ACSS3: variants seen among roughly 807,000 people sequenced by gnomAD.
ACSS3 encodes acyl-CoA synthetase short-chain family member 3, mitochondrial.
In ACSS3, 64 loss-of-function variants were observed where a neutral mutation model predicts 84.2. The observed-to-expected ratio is 0.76, with a 90% CI of 0.62 to 0.94. The LOEUF is 0.94. ACSS3 is among the 40% of genes least tolerant of loss of function. The probability of loss-of-function intolerance (pLI) is 0.00; values close to 1 mark genes in which losing one functional copy is unlikely to be tolerated. For missense variants in ACSS3, 815 were observed against 867.6 expected, an observed-to-expected ratio of 0.94 and a Z score of 0.76; for synonymous variants, 317 against 310.1, an observed-to-expected ratio of 1.02 and a Z score of -0.23.
intron 12 of ACSS3, among the ~76,000 whole-genome samples, chr12:81,231,387 T>C (rs1431773202): frequency 1.3e-5 from 2 of 151,854 alleles, no homozygotes; most frequent in African/African-American, 4.8e-5. Context: ...TCCTAGAATT[T>C]AATAGTCTTC....
intron 11 of ACSS3, among the ~76,000 whole-genome samples, chr12:81,225,440 G>C (rs2033241939): frequency 1.3e-5 from 2 of 151,874 alleles, no homozygotes; most frequent in South Asian, 4.1e-4. Flanking sequence ...TTAGACTTGT[G>C]AATGATGAAG....
At chr12:81,137,838 T>A (rs1331214380) in intron 3 of ACSS3, among the ~76,000 whole-genome samples, 2 of 152,184 alleles carry the variant, frequency 1.3e-5, no homozygotes, top group African/African-American at 4.8e-5. Flanking sequence ...TTCAAATGTC[T>A]GACCTTTAAA....
At chr12:81,103,239 C>T (rs571081509) in intron 1 of ACSS3, among the ~76,000 whole-genome samples, 2 of 152,280 alleles carry the variant, frequency 1.3e-5, no homozygotes, top group South Asian at 4.1e-4. Context: ...TATGAAACTA[C>T]ATAACAAGTG....
chr12:81,204,627 A>C (rs1195010670), intron 9 of ACSS3, among the ~76,000 whole-genome samples: 1 of 152,138 alleles, frequency 6.6e-6, no homozygotes, highest in South Asian at 2.1e-4. Flanking sequence ...CAAATTCCAC[A>C]ATGGCTTTTA....
At chr12:81,252,547 ATGT>A in intron 13 of ACSS3, among the ~76,000 whole-genome samples, 1 of 151,736 alleles carries the variant, frequency 6.6e-6, no homozygotes, top group East Asian at 1.9e-4. Flanking sequence ...ACCAAAATAA[ATGT>A]TAATCTTTCA....
rs913890371 is a variant in ACSS3 at position 81,258,865 on chromosome 12, T to A, written c.*3943T>A. ...CTTAGTAAAGAAGTTTTTTTATCTT[T>A]TTTTTTTTCTTGGTCCACAGGTAAC... On this transcript the variant is annotated 3_prime_UTR_variant, in exon 16 of 16. Transcript: ENST00000548058. 1 of 151,958 alleles carries A rather than the reference T, an allele frequency of 6.6e-6. No individual in the cohort carries two copies. The highest frequency in any genetic ancestry group is 2.4e-5 in the African/African-American group (1 of 41,372). The allele number at this position is 151,958 out of a possible 1,614,324, so 9.4% of individuals were successfully genotyped here.
Position 81,233,360 on chromosome 12 carries a change from T to A in ACSS3, c.1608T>A (p.Asp536Glu). The stretch of plus-strand genomic sequence containing the variant: ...TTTCTTGTTTTCAGGGATATTATGA[T>A]ACCATGGATGCTGGTTACATGGATG... ...LYFEKFPGYY[D>E]TMDAGYMDEE... Residue 536 changes from aspartate (D) to glutamate (E), a missense_variant, in exon 13 of 16, where the codon GAT becomes GAA. Transcript: ENST00000548058. The A allele has an allele frequency of 1.2e-6, 2 of 1,610,376 alleles. No individual in the cohort carries two copies. Among genetic ancestry groups the A allele is most frequent in the Non-Finnish European group, 1.7e-6 (2 of 1,177,376 alleles).
rs142259794 is a variant in ACSS3, at chr12:81,194,180, T to C, written c.1251-5161T>C. Reference sequence around the variant, plus strand: ...ATACTAAGATTTGTTGTTTCAATTATTATCATGTTTAAAAAAGGGCAAATC... The same window carrying C: ...ATACTAAGATTTGTTGTTTCAATTACTATCATGTTTAAAAAAGGGCAAATC... On this transcript the variant is annotated intron_variant, in intron 8 of 15. Coordinates refer to ENST00000548058, the MANE Select transcript of ACSS3 (RefSeq NM_024560.4). Among the ~76,000 whole-genome samples, 553 of 151,926 alleles carry C rather than the reference T, an allele frequency of 3.6e-3. 4 individuals carry two copies. Among genetic ancestry groups the C allele is most frequent in the African/African-American group, 0.013 (530 of 41,552 alleles).
At chr12:81,213,119 AT>A (rs554374654) in intron 9 of ACSS3, among the ~76,000 whole-genome samples, 132 of 152,300 alleles carry the variant, frequency 8.7e-4, no homozygotes, top group Admixed American at 4.2e-3. Flanking sequence ...TGACATCTAG[AT>A]TTCTTGTCTC....
chr12:81,191,967 G>A (rs940862687), intron 8 of ACSS3, among the ~76,000 whole-genome samples: 17 of 152,060 alleles, frequency 1.1e-4, no homozygotes, highest in Admixed American at 8.5e-4. Context: ...ATATTCATCC[G>A]AGTTATATTT....
intron 3 of ACSS3, among the ~76,000 whole-genome samples, chr12:81,138,163 G>A (rs945505694): frequency 2.6e-5 from 4 of 152,094 alleles, no homozygotes; most frequent in Admixed American, 1.3e-4. Flanking sequence ...TCTGCCTTCC[G>A]AATAATTTAT....
chr12:81,114,366 C>T (rs1345902476), intron 2 of ACSS3, among the ~76,000 whole-genome samples: 1 of 152,106 alleles, frequency 6.6e-6, no homozygotes, highest in East Asian at 1.9e-4. Flanking sequence ...TTCTTCCTTC[C>T]AACCCCTGCC....
chr12:81,203,160 G>C (rs1349250170), intron 9 of ACSS3, among the ~76,000 whole-genome samples: 4 of 152,118 alleles, frequency 2.6e-5, no homozygotes, highest in Non-Finnish European at 4.4e-5. Flanking sequence ...TCCAAAGATG[G>C]GGGAGCCTGG....
chr12:81,204,696 G>A (rs2032269524), intron 9 of ACSS3, among the ~76,000 whole-genome samples: 1 of 152,128 alleles, frequency 6.6e-6, no homozygotes. Flanking sequence ...TTTACCTGTT[G>A]ACAGGACACT....
intron 13 of ACSS3, among the ~76,000 whole-genome samples, chr12:81,250,902 C>T (rs548858347): frequency 6.6e-6 from 1 of 152,280 alleles, no homozygotes; most frequent in East Asian, 1.9e-4. Context: ...TGACTGACTA[C>T]AGTAAGTACT....
At position 81,253,814 on chromosome 12, in the gene ACSS3, G is replaced by A. The variant is rs142260208; in HGVS notation, c.1995+144G>A. 212 of 834,958 alleles carry A rather than the reference G, an allele frequency of 2.5e-4. 2 individuals carry two copies. The African/African-American group carries it at 3.3e-3, about 13-fold the overall frequency. The allele number at this position is 834,958 out of a possible 1,614,324, so 51.7% of individuals were successfully genotyped here. ...ATAGTACTATTTTTTAATGTTAAGG[G>A]AGAGATTATATAGCCATTCCTTCTG... On this transcript the variant is annotated intron_variant, in intron 15 of 15. Transcript: ENST00000548058.
intron 13 of ACSS3, among the ~76,000 whole-genome samples, chr12:81,243,919 T>A (rs2033896251): frequency 6.6e-6 from 1 of 152,222 alleles, no homozygotes; most frequent in Non-Finnish European, 1.5e-5. Context: ...ATTTGTTTAT[T>A]CATTTCTGAT....
rs1414140023 is a variant in ACSS3, at chr12:81,253,670, G to T, written c.1995G>T (p.Lys665Asn). The T allele has an allele frequency of 6.2e-7, 1 of 1,608,772 alleles. No homozygotes were observed. Among genetic ancestry groups the T allele is most frequent in the East Asian group, 2.2e-5 (1 of 44,712 alleles). Residue 665 changes from lysine to asparagine, a missense_variant and splice_region_variant, in exon 15 of 16, where the codon AAG (lysine) becomes AAT (asparagine). By Grantham distance (94) the Lys-to-Asn change is moderately conservative. Coordinates refer to ENST00000548058, the MANE Select transcript of ACSS3 (RefSeq NM_024560.4). ...CCATTGTCAATGGCAAGCCATACAA[G>T]GTAAATTATCAAAGATATTTATTCC... is the stretch of plus-strand genomic sequence containing the variant. ...LSAIVNGKPY[K>N]ITSTIEDPSI... is the part of the protein sequence containing the mutation.
rs1267161523 is a variant in ACSS3, at chr12:81,164,966, T to TA, written c.1099-9815dup. Among the ~76,000 whole-genome samples, 10 of 152,208 alleles carry TA rather than the reference T, an allele frequency of 6.6e-5. No individual in the cohort carries two copies. The South Asian group carries it at 1.9e-3, about 28-fold the overall frequency. Reference sequence around the variant, plus strand: ...CCTTCATGTAATGGGAAATAACATTTAAAAAAATCTAGTATATAGCAATCT... The same window carrying TA: ...CCTTCATGTAATGGGAAATAACATTTAAAAAAAATCTAGTATATAGCAATCT... On this transcript the variant is annotated intron_variant, in intron 7 of 15. Coordinates refer to ENST00000548058, the MANE Select transcript of ACSS3 (RefSeq NM_024560.4).
Sources: allele counts gnomAD v4.1 joint callset (sites outside exome capture counted in the v4.1 genomes callset), GRCh38; gene constraint gnomAD v4.1.1; transcripts MANE v1.5; gene names NCBI Gene and HGNC (gene_info 2026-07-23, HGNC 2026-07-21).